TRIM37: variants seen among roughly 807,000 people sequenced by gnomAD.
The protein encoded by TRIM37 is tripartite motif containing 37.
Under a neutral mutation model 129.8 loss-of-function variants are expected in TRIM37, and 80 were observed. The observed-to-expected ratio is 0.62, with a 90% CI of 0.51 to 0.74. TRIM37 has a LOEUF of 0.74. TRIM37 is among the 30% of genes least tolerant of loss of function. TRIM37 has a pLI of 0.00. For missense variants in TRIM37, 1,054 were observed against 1,176.5 expected, an observed-to-expected ratio of 0.90 and a Z score of 1.52; for synonymous variants, 389 against 387.1, an observed-to-expected ratio of 1.00 and a Z score of -0.06.
At chr17:59,045,571 G>A (rs377142809) in intron 16 of TRIM37, among the ~76,000 whole-genome samples, 13 of 151,282 alleles carry the variant, frequency 8.6e-5, no homozygotes, top group East Asian at 3.9e-4. Context: ...CCCGGGAGGC[G>A]GAGGTTGCAG....
chr17:59,101,310 G>T (rs1568263946), intron 2 of TRIM37, among the ~76,000 whole-genome samples: 1 of 152,012 alleles, frequency 6.6e-6, no homozygotes, highest in Non-Finnish European at 1.5e-5. Context: ...AAAAGAAAGA[G>T]ATATCAGTGA....
At chr17:59,017,642 C>T (rs74700314) in intron 19 of TRIM37, among the ~76,000 whole-genome samples, 1 of 151,232 alleles carries the variant, frequency 6.6e-6, no homozygotes, top group South Asian at 2.1e-4. Context: ...TTTTTTCCCC[C>T]AGATGGAGTC....
Position 59,017,195 on chromosome 17 carries a change from A to G in TRIM37, c.2386+101T>C, listed in dbSNP as rs901598738. ...AGAAACTTTCAAATCCAACTTTAGC[A>G]TTTTTGGTGCCCTTCAAGATCTAAA... On this transcript the variant is annotated intron_variant, in intron 20 of 23. Transcript: ENST00000262294. 2.7e-6 allele frequency: 4 copies of G among 1,456,802 alleles called. No individual in the cohort carries two copies. In the African/African-American group the frequency reaches 5.6e-5, roughly 20 times the overall value. The allele number at this position is 1,456,802 out of a possible 1,614,324, so 90.2% of individuals were successfully genotyped here. A position where few individuals can be genotyped will look rare whatever the true frequency, so the allele number is the denominator to read the frequency against.
At chr17:59,076,242 G>C (rs1214128343) in intron 7 of TRIM37, among the ~76,000 whole-genome samples, 2 of 152,140 alleles carry the variant, frequency 1.3e-5, no homozygotes, top group Admixed American at 6.5e-5. Flanking sequence ...GACAGAAAAG[G>C]ATAAACAAAT....
chr17:59,059,603 T>A (rs1262868046), intron 12 of TRIM37: 2 of 152,510 alleles, frequency 1.3e-5, no homozygotes, highest in Non-Finnish European at 2.9e-5. Context: ...AGTGCTGGGA[T>A]TACAGGTATG....
intron 22 of TRIM37, among the ~76,000 whole-genome samples, chr17:59,006,721 T>G (rs1362301654): frequency 6.6e-6 from 1 of 152,024 alleles, no homozygotes; most frequent in Non-Finnish European, 1.5e-5. Flanking sequence ...AAACCCCGTC[T>G]CTACTAAAAA....
In TRIM37 at chr17:58,998,778, T is replaced by C; in HGVS notation, c.*599A>G. ...GAAGTCACACAACAGAAAGATACCA[T>C]GCGGTTGAACAGTGTGCCTGTACTT... On this transcript the variant is annotated 3_prime_UTR_variant, in exon 24 of 24. Coordinates refer to ENST00000262294, the MANE Select transcript of TRIM37 (RefSeq NM_015294.6). 3.0e-6 allele frequency: 3 copies of C among 986,298 alleles called. No homozygotes were observed. Among genetic ancestry groups the C allele is most frequent in the Non-Finnish European group, 3.6e-6 (3 of 830,532 alleles). 61.1% of individuals were successfully genotyped at this position (986,298 alleles called of 1,614,324 possible).
At chr17:59,018,410 A>G (rs1468077150) in intron 19 of TRIM37, among the ~76,000 whole-genome samples, 1 of 152,210 alleles carries the variant, frequency 6.6e-6, no homozygotes, top group Non-Finnish European at 1.5e-5. Flanking sequence ...CAGGTTTAGC[A>G]TGGTTGCAGG....
chr17:59,105,774 T>C (rs778541918), intron 1 of TRIM37, among the ~76,000 whole-genome samples: 3 of 152,190 alleles, frequency 2.0e-5, no homozygotes, highest in Non-Finnish European at 4.4e-5. Flanking sequence ...CATAACATAG[T>C]TACCCCTTAC....
chr17:59,060,689 T>C (rs1359571191), intron 12 of TRIM37, among the ~76,000 whole-genome samples: 1 of 152,148 alleles, frequency 6.6e-6, no homozygotes, highest in Non-Finnish European at 1.5e-5. Flanking sequence ...GTTATAAAAT[T>C]AGATGTTGGT....
chr17:58,974,250 A>G, the TRIM37 span, among the ~76,000 whole-genome samples: 1 of 152,234 alleles, frequency 6.6e-6, no homozygotes, highest in Non-Finnish European at 1.5e-5. Flanking sequence ...TTATGCCTCT[A>G]AATTATTTCC....
At chr17:59,038,965 G>A (rs1442986518) in intron 17 of TRIM37, among the ~76,000 whole-genome samples, 2 of 152,138 alleles carry the variant, frequency 1.3e-5, no homozygotes, top group East Asian at 1.9e-4. Context: ...GACTGGACAA[G>A]AGACTGATTT....
chr17:59,015,772 C>A lies in TRIM37; in HGVS notation c.2414G>T (p.Ser805Ile), dbSNP rs1211490979. ...EGSPGSSQSG[S>I]RHSSPRALIH... is the part of the protein sequence containing the mutation. ...CAAGGCTCGGGGAGAACTGTGCCTG[C>A]TCCCAGACTGAGAGCTTCCTGGGGA... Residue 805 changes from serine (S) to isoleucine (I), a missense_variant, in exon 21 of 24, where the codon AGC becomes ATC. Ser to Ile is a moderately radical substitution (Grantham distance 142). This residue lies in a region of TRIM37 where 287 missense variants were observed against 274.3 expected (regional missense o/e 1.05). Coordinates refer to ENST00000262294, the MANE Select transcript of TRIM37 (RefSeq NM_015294.6). The A allele has an allele frequency of 6.2e-7, 1 of 1,613,576 alleles. No homozygotes were observed. The highest frequency in any genetic ancestry group is 8.5e-7 in the Non-Finnish European group (1 of 1,179,986).
At chr17:59,055,287 G>A (rs1035594357) in intron 13 of TRIM37, among the ~76,000 whole-genome samples, 2 of 122,850 alleles carry the variant, frequency 1.6e-5, no homozygotes. Context: ...AGGGAGCCAA[G>A]ATCGCGCCAT....
chr17:59,102,158 C>T (rs2045577352), intron 2 of TRIM37, among the ~76,000 whole-genome samples: 1 of 152,068 alleles, frequency 6.6e-6, no homozygotes, highest in African/African-American at 2.4e-5. Context: ...GAGATGATAG[C>T]TAAAGCTGCT....
At chr17:59,094,624 AC>A (rs1189754008) in intron 2 of TRIM37, among the ~76,000 whole-genome samples, 1 of 152,116 alleles carries the variant, frequency 6.6e-6, no homozygotes, top group African/African-American at 2.4e-5. Flanking sequence ...TAAAAAAAAA[AC>A]AAACTGGCTG....
At chr17:59,099,108 C>T (rs973291591) in intron 2 of TRIM37, among the ~76,000 whole-genome samples, 2 of 151,908 alleles carry the variant, frequency 1.3e-5, no homozygotes, top group Non-Finnish European at 2.9e-5. Context: ...GCTTGAACCT[C>T]GGAGGTGGAG....
Position 59,064,421 on chromosome 17 carries a change from CA to C in TRIM37, c.810-17del, listed in dbSNP as rs766635635. Reference sequence around the variant, plus strand: ...CACTAATTCACTAAAAAAAAAAAGGCAAAAAAAATTATTTAGCTTACATGTT... The same window carrying C: ...CACTAATTCACTAAAAAAAAAAAGGCAAAAAAATTATTTAGCTTACATGTT... On this transcript the variant is annotated splice_polypyrimidine_tract_variant and intron_variant, in intron 9 of 23. Transcript: ENST00000262294. 3.3e-5 allele frequency: 50 copies of C among 1,517,202 alleles called. No individual in the cohort carries two copies. The highest frequency in any genetic ancestry group is 1.3e-4 in the Admixed American group (7 of 53,592). The allele number at this position is 1,517,202 out of a possible 1,614,324, so 94.0% of individuals were successfully genotyped here. A position where few individuals can be genotyped will look rare whatever the true frequency, so the allele number is the denominator to read the frequency against.
At chr17:58,995,016 T>G (rs1376807572), downstream of TRIM37, among the ~76,000 whole-genome samples, 1 of 152,134 alleles carries the variant, frequency 6.6e-6, no homozygotes, top group Non-Finnish European at 1.5e-5. Context: ...CCCAAAGTAC[T>G]GGGATTACAG....
Sources: allele counts gnomAD v4.1 joint callset (sites outside exome capture counted in the v4.1 genomes callset), GRCh38; gene constraint gnomAD v4.1.1; regional missense constraint gnomAD v4.1.1; transcripts MANE v1.5; gene names NCBI Gene and HGNC (gene_info 2026-07-23, HGNC 2026-07-21).